SSBP3: variants seen among roughly 807,000 people sequenced by gnomAD.
SSBP3 encodes single-stranded DNA-binding protein 3.
In SSBP3, 5 loss-of-function variants were observed where a neutral mutation model predicts 69.6. The ratio of observed to expected loss-of-function variants is 0.07; its 90% confidence interval spans 0.04 to 0.15. SSBP3 has a LOEUF of 0.15. Ranked by LOEUF, SSBP3 falls within the 10% of genes least tolerant of loss-of-function variation. The probability of loss-of-function intolerance (pLI) is 1.00; values close to 1 mark genes in which losing one functional copy is unlikely to be tolerated. For missense variants in SSBP3, 312 were observed against 534.0 expected (o/e 0.58, Z 4.10); for synonymous variants, 196 against 193.4 (o/e 1.01, Z -0.11).
chr1:54,281,588 T>C (rs1645393681), intron 4 of SSBP3, 61 bp from the exon 5 acceptor site: 8 of 1,467,988 alleles, frequency 5.4e-6, no homozygotes, highest in Non-Finnish European at 6.5e-6. Flanking sequence ...CACAGAGTTC[T>C]GACCCCTGGA....
At chr1:54,227,097 T>C (rs1009405508) in exon 18 of SSBP3, 32 of 1,539,808 alleles carry the variant, frequency 2.1e-5, no homozygotes, top group Non-Finnish European at 2.7e-5. Context: ...CCGCCTGCAA[T>C]GCCTGCTCTC....
At chr1:54,257,516 A>G (rs562475846) in intron 6 of SSBP3, among the ~76,000 whole-genome samples, 33 of 152,152 alleles carry the variant, frequency 2.2e-4, no homozygotes, top group Non-Finnish European at 4.0e-4. Flanking sequence ...GTAAGGGCAA[A>G]TGAAAGGGTA....
At chr1:54,308,517 C>T (rs182128710) in intron 4 of SSBP3, among the ~76,000 whole-genome samples, 23 of 151,350 alleles carry the variant, frequency 1.5e-4, no homozygotes, top group Admixed American at 1.1e-3. Flanking sequence ...AGGAGAATGG[C>T]GTGAACCCGG....
rs1418443798 is a variant in SSBP3 at position 54,401,952 on chromosome 1, G to C, written c.192-7C>G. On this transcript the variant is annotated splice_region_variant and splice_polypyrimidine_tract_variant and intron_variant, in intron 3 of 17. Transcript: ENST00000610401. ...GTAAAGGTCCCAAAATACACTGCGA[G>C]GAGGAAAATAAAATAAGGTCAGGTT... The C allele has an allele frequency of 6.2e-7, 1 of 1,612,300 alleles. No individual in the cohort carries two copies. Among genetic ancestry groups the C allele is most frequent in the East Asian group, 2.2e-5 (1 of 44,866 alleles).
chr1:54,370,656 G>C (rs1202183261), intron 4 of SSBP3, among the ~76,000 whole-genome samples: 13 of 152,142 alleles, frequency 8.5e-5, no homozygotes, highest in Non-Finnish European at 2.9e-5. Flanking sequence ...GACTGCTAGA[G>C]GGTGCCAATG....
chr1:54,275,284 G>A (rs889393338), intron 5 of SSBP3, among the ~76,000 whole-genome samples: 1 of 152,204 alleles, frequency 6.6e-6, no homozygotes, highest in Non-Finnish European at 1.5e-5. Context: ...TCAGATGGGT[G>A]GGGACCCCAG....
intron 4 of SSBP3, among the ~76,000 whole-genome samples, chr1:54,381,382 C>CAAAAAAAAAA (rs59809996): frequency 1.4e-5 from 1 of 69,454 alleles, no homozygotes; most frequent in Admixed American, 2.1e-4. Flanking sequence ...TACACCATCT[C>CAAAAAAAAAA]AAAAAAAAAA....
intron 4 of SSBP3, among the ~76,000 whole-genome samples, chr1:54,395,511 T>C (rs1310779065): frequency 9.2e-5 from 14 of 152,184 alleles, no homozygotes; most frequent in Non-Finnish European, 2.1e-4. Context: ...AGTACCAGTC[T>C]GTGACAGGAC....
intron 4 of SSBP3, among the ~76,000 whole-genome samples, chr1:54,292,388 C>A (rs1250330442): frequency 2.6e-5 from 4 of 152,196 alleles, no homozygotes. Flanking sequence ...TTCTCAGAGC[C>A]CCAGATGCCT....
intron 4 of SSBP3, among the ~76,000 whole-genome samples, chr1:54,290,529 A>AG (rs1423738809): frequency 6.6e-6 from 1 of 152,232 alleles, no homozygotes; most frequent in East Asian, 1.9e-4. Context: ...TGGCCACCTT[A>AG]GGAGGAAGTG....
chr1:54,404,602 C>T, exon 3 of SSBP3: 1 of 1,613,736 alleles, frequency 6.2e-7, no homozygotes, highest in East Asian at 2.2e-5. Flanking sequence ...AAAACCCAGG[C>T]GGTTCTCCCA....
intron 4 of SSBP3, among the ~76,000 whole-genome samples, chr1:54,323,170 AAT>A (rs2100389952): frequency 6.6e-6 from 1 of 152,326 alleles, no homozygotes; most frequent in African/African-American, 2.4e-5. Flanking sequence ...TAAGCAAGTC[AAT>A]GAAGCTCCCA....
chr1:54,243,617 C>T (rs568716653), intron 9 of SSBP3, among the ~76,000 whole-genome samples: 1 of 152,284 alleles, frequency 6.6e-6, no homozygotes, highest in East Asian at 1.9e-4. Flanking sequence ...CCTGTACCTT[C>T]CCCCTGGGCT....
At chr1:54,279,384 G>A (rs554017233) in intron 5 of SSBP3, among the ~76,000 whole-genome samples, 21 of 152,378 alleles carry the variant, frequency 1.4e-4, no homozygotes, top group African/African-American at 4.1e-4. Context: ...AGCCATGGAC[G>A]ATTATACCAA....
In SSBP3 at chr1:54,405,055, G is replaced by A. The variant is rs573112160; in HGVS notation, c.57-125C>T. The stretch of plus-strand genomic sequence containing the variant: ...CGTCCCATTGTGGCCCCGACCAGAG[G>A]TAAGCAGCTAGCTCACCCCAAACAG... On this transcript the variant is annotated intron_variant, in intron 1 of 17. Transcript: ENST00000610401. 6.0e-4 allele frequency: 505 copies of A among 842,648 alleles called. 2 individuals are homozygous for A. Among genetic ancestry groups the A allele is most frequent in the African/African-American group, 3.0e-3 (179 of 59,634 alleles). 52.2% of individuals were successfully genotyped at this position (842,648 alleles called of 1,614,324 possible). A position where few individuals can be genotyped will look rare whatever the true frequency, so the allele number is the denominator to read the frequency against.
intron 5 of SSBP3, among the ~76,000 whole-genome samples, chr1:54,265,854 G>C (rs1233193719): frequency 6.6e-6 from 1 of 152,234 alleles, no homozygotes. Flanking sequence ...CAAGGAGCCA[G>C]GGCAGCACTG....
chr1:54,245,381 A>C (rs1644715791), intron 9 of SSBP3, among the ~76,000 whole-genome samples: 1 of 152,206 alleles, frequency 6.6e-6, no homozygotes, highest in Non-Finnish European at 1.5e-5. Context: ...CCGGCCCCCC[A>C]GATTCTGTAT....
chr1:54,281,979 C>G (rs189328166), intron 4 of SSBP3, among the ~76,000 whole-genome samples: 1 of 151,808 alleles, frequency 6.6e-6, no homozygotes, highest in Non-Finnish European at 1.5e-5. Flanking sequence ...GCCTGTAGTT[C>G]CACTTACTCG....
chr1:54,410,746 G>A (rs762981396), upstream of SSBP3, among the ~76,000 whole-genome samples: 1 of 152,212 alleles, frequency 6.6e-6, no homozygotes, highest in Non-Finnish European at 1.5e-5. Context: ...TCCTCTCTGT[G>A]CAATGAGTAT....
Sources: gnomAD v4.1 joint callset for allele counts (sites outside exome capture counted in the v4.1 genomes callset) on GRCh38, gnomAD v4.1.1 for gene constraint, MANE v1.5 for transcripts, NCBI Gene and HGNC (gene_info 2026-07-23, HGNC 2026-07-21) for gene names.